Variants in MSH3 observed in about 807,000 individuals in gnomAD.
MSH3 encodes the protein mutS homolog 3.
Under a neutral mutation model 123.3 loss-of-function variants are expected in MSH3, and 106 were observed. That is an observed-to-expected ratio of 0.86 (90% CI 0.73 to 1.01). MSH3 has a LOEUF of 1.01. Among genes scored for constraint, MSH3 ranks in the 50% least tolerant of loss-of-function variants. The probability of loss-of-function intolerance (pLI) is 0.00; values close to 1 mark genes in which losing one functional copy is unlikely to be tolerated. For missense variants in MSH3, 1,459 were observed against 1,347.6 expected (o/e 1.08, Z -1.29); for synonymous variants, 515 against 481.4 (o/e 1.07, Z -0.91).
chr5:80,837,708 A>G (rs1027372885), intron 20 of MSH3, among the ~76,000 whole-genome samples: 3 of 152,230 alleles, frequency 2.0e-5, no homozygotes, highest in African/African-American at 7.2e-5. Context: ...TGAACTGTGT[A>G]ACCAACTATC....
intron 8 of MSH3, among the ~76,000 whole-genome samples, chr5:80,682,747 G>A (rs993795418): frequency 3.4e-4 from 52 of 152,108 alleles, no homozygotes; most frequent in African/African-American, 1.2e-3. Flanking sequence ...TACTCTTTTA[G>A]TTATTTTAAA....
At chr5:80,835,250 C>T (rs1294805415) in intron 20 of MSH3, among the ~76,000 whole-genome samples, 2 of 152,130 alleles carry the variant, frequency 1.3e-5, no homozygotes, top group Non-Finnish European at 2.9e-5. Flanking sequence ...TATGTCAGAC[C>T]ATCCCGTAGG....
chr5:80,674,867 A>C (rs538246009), intron 6 of MSH3, 116 bp from the exon 7 acceptor site: 2 of 929,834 alleles, frequency 2.2e-6, no homozygotes, highest in East Asian at 5.4e-5. Flanking sequence ...GGTGTGAGCC[A>C]CTGCGCCTGG....
chr5:80,869,612 G>A (rs1270621684), intron 22 of MSH3, among the ~76,000 whole-genome samples: 1 of 151,802 alleles, frequency 6.6e-6, no homozygotes, highest in Non-Finnish European at 1.5e-5. Flanking sequence ...AATTTAAAGT[G>A]GAGACCAGCA....
Position 80,656,777 on chromosome 5 carries a change from AT to A in MSH3, c.358+251del, listed in dbSNP as rs1474432673. On this transcript the variant is annotated intron_variant, in intron 2 of 23. Transcript: ENST00000265081. ...ACTTTCTCCTTTATTCCTTCTAGCT[AT>A]TTTTGTCCTGGTTATAAAATTAAAA... Among the ~76,000 whole-genome samples the A allele has an allele frequency of 9.9e-5, 15 of 152,258 alleles. No homozygotes were observed. The East Asian group carries it at 2.7e-3, about 27-fold the overall frequency.
At chr5:80,797,075 C>G (rs1744711769) in intron 19 of MSH3, among the ~76,000 whole-genome samples, 1 of 142,818 alleles carries the variant, frequency 7.0e-6, no homozygotes, top group Admixed American at 7.0e-5. Context: ...ACTCCAACAT[C>G]CACCCACCCA....
chr5:80,852,682 T>G (rs898637589), intron 20 of MSH3, among the ~76,000 whole-genome samples: 3 of 152,206 alleles, frequency 2.0e-5, no homozygotes, highest in African/African-American at 7.2e-5. Context: ...ATTTCAGAAA[T>G]TATACAATTT....
chr5:80,801,511 C>G (rs943500203), intron 19 of MSH3, among the ~76,000 whole-genome samples: 6 of 152,188 alleles, frequency 3.9e-5, no homozygotes, highest in African/African-American at 1.4e-4. Context: ...ACACATTTAA[C>G]TTCTAAAGCC....
chr5:80,799,645 G>C (rs1385874359), intron 19 of MSH3, among the ~76,000 whole-genome samples: 1 of 150,876 alleles, frequency 6.6e-6, no homozygotes, highest in East Asian at 2.0e-4. Flanking sequence ...CATTATTCTA[G>C]TGTACTCAAT....
chr5:80,813,816 T>C, intron 20 of MSH3, 75 bp downstream of exon 20: 3 of 1,507,848 alleles, frequency 2.0e-6, no homozygotes, highest in East Asian at 2.3e-5. Flanking sequence ...ATTTTCCTTT[T>C]GTGTACATAT....
At chr5:80,848,891 A>G (rs1012194391) in intron 20 of MSH3, among the ~76,000 whole-genome samples, 7 of 152,194 alleles carry the variant, frequency 4.6e-5, no homozygotes, top group African/African-American at 1.7e-4. Context: ...CTGGGGTGTT[A>G]ATTTATTTCA....
At chr5:80,694,015 G>T (rs541254763) in intron 8 of MSH3, among the ~76,000 whole-genome samples, 2 of 152,284 alleles carry the variant, frequency 1.3e-5, no homozygotes, top group Middle Eastern at 3.4e-3. Context: ...CATATGGAGA[G>T]AGTAGCAAAT....
At position 80,784,903 on chromosome 5, in the gene MSH3, T is replaced by A. The variant is rs527641038; in HGVS notation, c.2436-2662T>A. ...AGTATACAGTATACTGTGAATATAT[T>A]TTTCGGTTCACAAAAAACAGAAATA... On this transcript the variant is annotated intron_variant, in intron 17 of 23. Coordinates refer to ENST00000265081, the MANE Select transcript of MSH3 (RefSeq NM_002439.5). Among the ~76,000 whole-genome samples the A allele has an allele frequency of 2.6e-5, 4 of 152,322 alleles. No homozygotes were observed. The East Asian group carries it at 7.7e-4, about 29-fold the overall frequency.
chr5:80,709,960 T>C (rs1036092897), intron 8 of MSH3, among the ~76,000 whole-genome samples: 2 of 152,230 alleles, frequency 1.3e-5, no homozygotes, highest in Non-Finnish European at 2.9e-5. Flanking sequence ...ACTGAAAATA[T>C]TCCTTAATGC....
At chr5:80,767,348 CT>C (rs1045166605) in intron 13 of MSH3, among the ~76,000 whole-genome samples, 1 of 151,870 alleles carries the variant, frequency 6.6e-6, no homozygotes, top group Admixed American at 6.6e-5. Flanking sequence ...ATAAAAGTGT[CT>C]TTTTTTTCTT....
At chr5:80,795,106 G>A (rs549367885) in intron 19 of MSH3, among the ~76,000 whole-genome samples, 1 of 152,338 alleles carries the variant, frequency 6.6e-6, no homozygotes, top group South Asian at 2.1e-4. Context: ...AAAGCTCAGA[G>A]TAGTAGCGAG....
intron 21 of MSH3, among the ~76,000 whole-genome samples, chr5:80,858,555 T>C (rs1236640484): frequency 1.3e-5 from 2 of 152,350 alleles, no homozygotes; most frequent in South Asian, 2.1e-4. Flanking sequence ...TTTAATTCCA[T>C]TGTGGTATGA....
At chr5:80,709,588 C>T (rs1418172067) in intron 8 of MSH3, among the ~76,000 whole-genome samples, 3 of 151,878 alleles carry the variant, frequency 2.0e-5, no homozygotes, top group African/African-American at 7.3e-5. Context: ...CGTGAGATCG[C>T]GCCACTGCAC....
Position 80,768,978 on chromosome 5 carries a change from A to C in MSH3, c.2228A>C (p.Gln743Pro). Residue 743 changes from glutamine (Q) to proline (P), a missense_variant, in exon 15 of 24, where the codon CAA becomes CCA. By Grantham distance (76) the Gln-to-Pro change is moderately conservative. Coordinates refer to ENST00000265081, the MANE Select transcript of MSH3 (RefSeq NM_002439.5). Reference sequence around the variant, plus strand: ...AAAATACTAAAAAATCCTTCTGCACAATATGTGACAGTATCAGGACAGGAG... The same window carrying C: ...AAAATACTAAAAAATCCTTCTGCACCATATGTGACAGTATCAGGACAGGAG... ...IRKILKNPSA[Q>P]YVTVSGQEFM... The C allele has an allele frequency of 6.2e-7, 1 of 1,613,022 alleles. No individual in the cohort carries two copies.
Sources: gnomAD v4.1 joint callset for allele counts (sites outside exome capture counted in the v4.1 genomes callset) on GRCh38, gnomAD v4.1.1 for gene constraint, MANE v1.5 for transcripts, NCBI Gene and HGNC (gene_info 2026-07-23, HGNC 2026-07-21) for gene names.